The following EHMT1 variants were observed in gnomAD, a reference collection of about 807,000 sequenced individuals.
The protein encoded by EHMT1 is histone-lysine N-methyltransferase EHMT1.
In EHMT1, 15 loss-of-function variants were observed where a neutral mutation model predicts 147.2. The observed-to-expected ratio is 0.10, with a 90% CI of 0.07 to 0.16. The LOEUF (loss-of-function observed/expected upper bound fraction) is 0.16, where lower values mean the gene tolerates loss of function less well. Among genes scored for constraint, EHMT1 ranks in the 10% least tolerant of loss-of-function variants. The pLI is 1.00. For synonymous variants in EHMT1, 795 were observed against 709.6 expected, an observed-to-expected ratio of 1.12 and a Z score of -1.91; for missense variants, 1,587 against 1,772.4, an observed-to-expected ratio of 0.90 and a Z score of 1.88.
intron 6 of EHMT1, chr9:137,747,977 T>C (rs915613902): frequency 2.0e-5 from 3 of 152,206 alleles, no homozygotes; most frequent in Non-Finnish European, 2.9e-5. Flanking sequence ...CATTCTTTCT[T>C]TTTTTTCTTT....
chr9:137,777,808 T>C, intron 12 of EHMT1, 74 bp from the exon 13 acceptor site: 1 of 1,593,478 alleles, frequency 6.3e-7, no homozygotes, highest in Non-Finnish European at 8.6e-7. Context: ...AAAACAGCGC[T>C]CTCGGGCAGT....
At position 137,755,277 on chromosome 9, in the gene EHMT1, G is replaced by A. The variant is rs1452685660; in HGVS notation, c.1369+986G>A. The stretch of plus-strand genomic sequence containing the variant: ...CTTCCCTGCTCCCAGGCAGCCCCTG[G>A]TCTGCTCTGTTTCCATGTATTGGTT... On this transcript the variant is annotated intron_variant, in intron 8 of 26. Coordinates refer to ENST00000460843, the MANE Select transcript of EHMT1 (RefSeq NM_024757.5). Among the ~76,000 whole-genome samples, 3 of 152,220 alleles carry A rather than the reference G, an allele frequency of 2.0e-5. No homozygotes were observed. In the East Asian group the frequency reaches 5.8e-4, roughly 29 times the overall value.
At chr9:137,721,812 G>T (rs1189285377) in intron 3 of EHMT1, among the ~76,000 whole-genome samples, 2 of 152,178 alleles carry the variant, frequency 1.3e-5, no homozygotes, top group African/African-American at 2.4e-5. Flanking sequence ...GTGGTTTCCA[G>T]TATTTTCTGC....
rs1950960624 is a variant in EHMT1 at position 137,776,412 on chromosome 9, T to C, written c.1792-206T>C. 1 of 535,364 alleles carries C rather than the reference T, an allele frequency of 1.9e-6. No individual in the cohort carries two copies. The highest frequency in any genetic ancestry group is 3.4e-6 in the Non-Finnish European group (1 of 297,288). The allele number at this position is 535,364 out of a possible 1,614,324, so 33.2% of individuals were successfully genotyped here. On this transcript the variant is annotated intron_variant, in intron 11 of 26. Transcript: ENST00000460843. This position sits in a 1 kb window ranked among gnomAD's most constrained non-coding sequence, Gnocchi z 4.4. ...CAAGTGACCTCTGTCTGGCTTCAGC[T>C]TCTTCTCTGTGGGGCGAGAGCACCA...
At chr9:137,641,278 T>A (rs768891462) in intron 1 of EHMT1, 1 of 443,144 alleles carries the variant, frequency 2.3e-6, no homozygotes, top group Non-Finnish European at 4.5e-6. Context: ...AGATTTCCAT[T>A]TGATTTCCGT....
At chr9:137,678,159 T>TA (rs904193647) in intron 1 of EHMT1, among the ~76,000 whole-genome samples, 3 of 152,196 alleles carry the variant, frequency 2.0e-5, no homozygotes, top group African/African-American at 7.2e-5. Flanking sequence ...TCCACTAATA[T>TA]AAAAAATCTG....
intron 1 of EHMT1, among the ~76,000 whole-genome samples, chr9:137,654,471 A>T (rs2133989399): frequency 6.6e-6 from 1 of 151,170 alleles, no homozygotes; most frequent in Non-Finnish European, 1.5e-5. Flanking sequence ...CATTGATCAG[A>T]TGTTGTTCCT....
intron 1 of EHMT1, among the ~76,000 whole-genome samples, chr9:137,646,105 C>T (rs1053072927): frequency 2.0e-5 from 3 of 152,150 alleles, no homozygotes; most frequent in African/African-American, 7.2e-5. Context: ...ATGACAGGTG[C>T]CCACCACCAC....
chr9:137,638,789 A>G (rs1171709292), intron 1 of EHMT1, among the ~76,000 whole-genome samples: 1 of 152,036 alleles, frequency 6.6e-6, no homozygotes, highest in African/African-American at 2.4e-5. Flanking sequence ...CAGAAGGAAG[A>G]CAGCATGCGG....
chr9:137,718,061 C>T (rs1215016836), intron 3 of EHMT1, among the ~76,000 whole-genome samples: 1 of 151,198 alleles, frequency 6.6e-6, no homozygotes, highest in Non-Finnish European at 1.5e-5. Flanking sequence ...GCCCACCCCT[C>T]ACGCACTGTG....
rs1393928109 is a variant in EHMT1 at position 137,743,509 on chromosome 9, A to G, written c.962A>G (p.His321Arg). ...ATTGAGATGTTTAAGAGCATAACTC[A>G]TTCCACTGTGGGTTCCAAGGTAAGA... ...TVIEMFKSIT[H>R]STVGSKGEKD... Residue 321 changes from histidine to arginine, a missense_variant, in exon 5 of 27, where the codon CAT (histidine) becomes CGT (arginine). Transcript: ENST00000460843. The G allele has an allele frequency of 3.1e-6, 5 of 1,614,194 alleles. No homozygotes were observed. Among genetic ancestry groups the G allele is most frequent in the Non-Finnish European group, 3.4e-6 (4 of 1,180,032 alleles).
Position 137,816,067 on chromosome 9 carries a change from G to C in EHMT1, c.3374+5G>C, listed in dbSNP as rs1954894144. 6.2e-7 allele frequency: 1 copy of C among 1,608,282 alleles called. No individual in the cohort carries two copies. Among genetic ancestry groups the C allele is most frequent in the Non-Finnish European group, 8.5e-7 (1 of 1,177,256 alleles). On this transcript the variant is annotated splice_donor_5th_base_variant and intron_variant, in intron 23 of 26. Transcript: ENST00000460843. ...CGTCGTACAGAATGGTCTCAGGTGA[G>C]AGGCAGCTTCCTGCCGGAGCCCCAC...
chr9:137,762,709 C>T lies in EHMT1; in HGVS notation c.1536C>T (p.Asp512=), dbSNP rs769292209. Residue 512 remains aspartate, a synonymous_variant, in exon 10 of 27, where the codon GAC becomes GAT. Transcript: ENST00000460843. ...LANGPDVLET[D]GLQEVPLCSC... ...ACGGTCCAGATGTGCTGGAGACAGA[C>T]GGCCTCCAGGAAGTGCCTCTCTGCA... The T allele has an allele frequency of 8.1e-6, 13 of 1,614,122 alleles. No individual in the cohort carries two copies. Among genetic ancestry groups the T allele is most frequent in the Admixed American group, 1.7e-5 (1 of 60,010 alleles).
intron 3 of EHMT1, among the ~76,000 whole-genome samples, chr9:137,724,617 C>T (rs935635544): frequency 6.6e-6 from 1 of 152,230 alleles, no homozygotes; most frequent in African/African-American, 2.4e-5. Flanking sequence ...TTTGTACCTT[C>T]ATCAATATGT....
chr9:137,743,855 G>T, intron 5 of EHMT1, 47 bp from the exon 6 acceptor site: 1 of 1,567,682 alleles, frequency 6.4e-7, no homozygotes. Flanking sequence ...GTTTGTTCAT[G>T]ATGCGCACTG....
chr9:137,809,348 G>A (rs529458419), intron 18 of EHMT1, among the ~76,000 whole-genome samples: 14 of 152,336 alleles, frequency 9.2e-5, no homozygotes, highest in Admixed American at 6.5e-4. Flanking sequence ...AGAAGAGCCC[G>A]CGTCCTTCTC....
intron 1 of EHMT1, among the ~76,000 whole-genome samples, chr9:137,692,481 A>T (rs554054109): frequency 5.3e-5 from 8 of 151,714 alleles, no homozygotes; most frequent in African/African-American, 1.7e-4. Context: ...GCCAGGCCCG[A>T]TCTCGAACTC....
intron 6 of EHMT1, among the ~76,000 whole-genome samples, chr9:137,749,390 G>A (rs1232269881): frequency 6.6e-6 from 1 of 152,094 alleles, no homozygotes; most frequent in East Asian, 1.9e-4. Flanking sequence ...TCCCACCTCA[G>A]CCTCCAAAGT....
chr9:137,646,254 C>T (rs1284075148), intron 1 of EHMT1: 1 of 780,494 alleles, frequency 1.3e-6, no homozygotes, highest in Non-Finnish European at 1.6e-6. Flanking sequence ...GCCACTGTGC[C>T]TGGCCTATTT....
Sources: allele counts gnomAD v4.1 joint callset (sites outside exome capture counted in the v4.1 genomes callset), GRCh38; gene constraint gnomAD v4.1.1; non-coding constraint Gnocchi (gnomAD v3.1); transcripts MANE v1.5; gene names NCBI Gene and HGNC (gene_info 2026-07-23, HGNC 2026-07-21).